The following MDH2 variants were observed in gnomAD, a reference collection of about 807,000 sequenced individuals.
The protein encoded by MDH2 is malate dehydrogenase 2.
In MDH2, 25 loss-of-function variants were observed where a neutral mutation model predicts 33.6. The ratio of observed to expected loss-of-function variants is 0.74; its 90% CI spans 0.54 to 1.04. The LOEUF (loss-of-function observed/expected upper bound fraction) is 1.04. Ranked by LOEUF, MDH2 falls within the 50% of genes least tolerant of loss-of-function variation. The probability of loss-of-function intolerance (pLI) is 0.00; values close to 1 mark genes in which losing one functional copy is unlikely to be tolerated. For synonymous variants in MDH2, 193 were observed against 188.7 expected (o/e 1.02, Z -0.19); for missense variants, 432 against 445.0 (o/e 0.97, Z 0.26).
intron 4 of MDH2, among the ~76,000 whole-genome samples, chr7:76,059,358 T>C (rs868928746): frequency 9.8e-5 from 15 of 152,370 alleles, no homozygotes; most frequent in African/African-American, 3.4e-4. Flanking sequence ...AAGGTGGGAC[T>C]ATCTGCATTC....
At chr7:76,058,983 G>A (rs547792644) in intron 4 of MDH2, among the ~76,000 whole-genome samples, 8 of 152,264 alleles carry the variant, frequency 5.3e-5, no homozygotes, top group Admixed American at 2.6e-4. Flanking sequence ...TGGCTCTGTC[G>A]CCCAGGCCAG....
At chr7:76,048,247 C>T (rs782622646) in intron 1 of MDH2, 21 bp downstream of exon 1, 39 of 1,530,604 alleles carry the variant, frequency 2.5e-5, no homozygotes, top group Non-Finnish European at 3.4e-5. Flanking sequence ...CGAGGGGCGG[C>T]CTGCAGGCGG....
intron 5 of MDH2, among the ~76,000 whole-genome samples, chr7:76,061,867 TA>T (rs1797963678): frequency 6.6e-6 from 1 of 152,304 alleles, no homozygotes; most frequent in South Asian, 2.1e-4. Flanking sequence ...TAGCTGCCAC[TA>T]GCTACATTTG....
intron 4 of MDH2, 142 bp downstream of exon 4, chr7:76,058,220 G>A: frequency 4.1e-6 from 3 of 735,602 alleles, no homozygotes; most frequent in Non-Finnish European, 6.7e-6. Flanking sequence ...CTGAAATGGA[G>A]AGGTCGGGTG....
chr7:76,048,420 AG>A, intron 1 of MDH2, 194 bp downstream of exon 1: 3 of 1,123,898 alleles, frequency 2.7e-6, no homozygotes, highest in East Asian at 2.9e-5. Flanking sequence ...GCCGGGGAAA[AG>A]GGGGCGAGGT....
chr7:76,058,802 T>C (rs1200946199), intron 4 of MDH2, among the ~76,000 whole-genome samples: 1 of 152,204 alleles, frequency 6.6e-6, no homozygotes, highest in Non-Finnish European at 1.5e-5. Context: ...ACAAGCATCA[T>C]GATCCCTCAA....
chr7:76,050,611 A>C (rs532910346), intron 1 of MDH2, among the ~76,000 whole-genome samples: 1 of 152,310 alleles, frequency 6.6e-6, no homozygotes, highest in South Asian at 2.1e-4. Flanking sequence ...GAGGGTTTTC[A>C]GCTGCGTAAT....
At chr7:76,059,498 G>A (rs1797881369) in intron 4 of MDH2, among the ~76,000 whole-genome samples, 2 of 152,202 alleles carry the variant, frequency 1.3e-5, no homozygotes, top group African/African-American at 2.4e-5. Context: ...TCTCGGAAAC[G>A]TTGAGTGCTG....
chr7:76,048,526 G>C, intron 1 of MDH2: 2 of 1,325,248 alleles, frequency 1.5e-6, no homozygotes, highest in Non-Finnish European at 1.9e-6. Flanking sequence ...CTTCAAGGTT[G>C]GGAAACCAGG....
At position 76,064,933 on chromosome 7, in the gene MDH2, TC is replaced by T; in HGVS notation, c.867del (p.Thr290HisfsTer26). Reference sequence around the variant, plus strand: ...ACAGGAAACGGAATGTACCTACTTCTCCACACCGCTGCTGCTTGGGGTACGT... The same window carrying T: ...ACAGGAAACGGAATGTACCTACTTCTCACACCGCTGCTGCTTGGGGTACGT... The part of the protein sequence containing the change: ...KSQETECTYF[S>X]TPLLLGKKGI... On this transcript the variant is annotated frameshift_variant, in exon 8 of 9. Coordinates refer to ENST00000315758, the MANE Select transcript of MDH2 (RefSeq NM_005918.4). LOFTEE classifies it high-confidence loss of function. 6.2e-7 allele frequency: 1 copy of T among 1,614,148 alleles called. No individual in the cohort carries two copies. The highest frequency in any genetic ancestry group is 8.5e-7 in the Non-Finnish European group (1 of 1,180,004).
In MDH2 at chr7:76,064,921, T is replaced by C. The variant is rs1798054926; in HGVS notation, c.853T>C (p.Cys285Arg). ...CSFVKSQETE[C>R]TYFSTPLLLG... ...CTTCGTTAAGTCACAGGAAACGGAA[T>C]GTACCTACTTCTCCACACCGCTGCT... The change falls in exon 8 of 9, where the codon TGT becomes CGT. Residue 285 changes from cysteine (C) to arginine (R), a missense_variant. Cys to Arg is a radical substitution (Grantham distance 180, BLOSUM62 -3). Coordinates refer to ENST00000315758, the MANE Select transcript of MDH2 (RefSeq NM_005918.4). 3 of 1,614,156 alleles carry C rather than the reference T, an allele frequency of 1.9e-6. No homozygotes were observed. Among genetic ancestry groups the C allele is most frequent in the Non-Finnish European group, 2.5e-6 (3 of 1,180,014 alleles).
chr7:76,064,519 C>T, intron 7 of MDH2, 81 bp downstream of exon 7: 2 of 1,245,790 alleles, frequency 1.6e-6, no homozygotes, highest in Non-Finnish European at 2.3e-6. Flanking sequence ...GCTGCTTGTC[C>T]CTGGGCATGG....
chr7:76,057,306 A>G (rs1369704538), intron 2 of MDH2, 104 bp from the exon 3 acceptor site: 30 of 1,161,294 alleles, frequency 2.6e-5, no homozygotes, highest in Non-Finnish European at 3.5e-5. Context: ...CAGGGCTTCT[A>G]GCCTTTCTCG....
chr7:76,052,538 A>C (rs1797657094), intron 1 of MDH2, among the ~76,000 whole-genome samples: 1 of 147,774 alleles, frequency 6.8e-6, no homozygotes, highest in Non-Finnish European at 1.5e-5. Flanking sequence ...TGGCTGAGTG[A>C]TGGAGGCATG....
Position 76,058,025 on chromosome 7 carries a change from G to T in MDH2, c.376G>T (p.Ala126Ser), listed in dbSNP as rs371141951. 2.5e-6 allele frequency: 4 copies of T among 1,613,826 alleles called. No homozygotes were observed. The East Asian group carries it at 6.7e-5, about 27-fold the overall frequency. The change falls in exon 4 of 9, where the codon GCT becomes TCT. Residue 126 changes from alanine (A) to serine (S), a missense_variant. By Grantham distance (99) the Ala-to-Ser change is moderately conservative (BLOSUM62 1). Transcript: ENST00000315758. The stretch of plus-strand genomic sequence containing the variant: ...TGCCACGATTGTGGCCACCCTGACC[G>T]CTGCCTGTGCCCAGCACTGCCCGGA... ...TNATIVATLTAACAQHCPEAM... is the reference protein window; with the variant it reads ...TNATIVATLTSACAQHCPEAM...
At chr7:76,056,534 G>A (rs890830432) in intron 2 of MDH2, among the ~76,000 whole-genome samples, 23 of 152,088 alleles carry the variant, frequency 1.5e-4, no homozygotes, top group Non-Finnish European at 3.1e-4. Flanking sequence ...CTGTATATTC[G>A]GGTTAAGAAG....
At chr7:76,055,749 A>G (rs573105757) in intron 2 of MDH2, among the ~76,000 whole-genome samples, 71 of 152,178 alleles carry the variant, frequency 4.7e-4, no homozygotes, top group African/African-American at 1.6e-3. Flanking sequence ...AAAAAAAAAA[A>G]AAAAATTTCA....
intron 8 of MDH2, 105 bp from the exon 9 acceptor site, chr7:76,066,174 T>C: frequency 1.4e-6 from 2 of 1,422,330 alleles, no homozygotes; most frequent in Non-Finnish European, 1.9e-6. Flanking sequence ...AGAACCCGCA[T>C]GTGTAGAGAG....
chr7:76,057,534 A>G, intron 3 of MDH2, 41 bp downstream of exon 3: 1 of 1,563,210 alleles, frequency 6.4e-7, no homozygotes, highest in Non-Finnish European at 8.8e-7. Flanking sequence ...CCCCACGTGA[A>G]GATGTGGGGA....
Sources: allele counts gnomAD v4.1 joint callset (sites outside exome capture counted in the v4.1 genomes callset), GRCh38; gene constraint gnomAD v4.1.1; transcripts MANE v1.5; gene names NCBI Gene and HGNC (gene_info 2026-07-23, HGNC 2026-07-21).